IGSF6: variants seen among roughly 807,000 people sequenced by gnomAD.
IGSF6 encodes the protein immunoglobulin superfamily member 6, also known as down-regulated by activation (immunoglobulin superfamily).
Under a neutral mutation model 24.7 loss-of-function variants are expected in IGSF6, and 23 were observed. That is an observed-to-expected ratio of 0.93 (90% CI 0.67 to 1.32). The LOEUF (loss-of-function observed/expected upper bound fraction) is 1.32, where lower values mean the gene tolerates loss of function less well. IGSF6 is among the 40% of genes most tolerant of loss of function. The probability of loss-of-function intolerance (pLI) is 0.00; values close to 1 mark genes in which losing one functional copy is unlikely to be tolerated. For missense variants in IGSF6, 295 were observed against 293.6 expected, an observed-to-expected ratio of 1.00 and a Z score of -0.04; for synonymous variants, 110 against 113.7, an observed-to-expected ratio of 0.97 and a Z score of 0.21.
At chr16:21,641,624 T>C in intron 5 of IGSF6, 31 bp from the exon 6 acceptor site, 1 of 1,446,588 alleles carries the variant, frequency 6.9e-7, no homozygotes, top group Non-Finnish European at 9.6e-7. Flanking sequence ...AAAGCCATGT[T>C]TAAGGTTATG....
At position 21,641,464 on chromosome 16, in the gene IGSF6, T is replaced by C. The variant is rs937833081; in HGVS notation, c.*70A>G. ...TATTTTTTTTTAAGACCTGATGATA[T>C]ATGTTCATTAACACTGCCATAGCTC... On this transcript the variant is annotated 3_prime_UTR_variant, in exon 6 of 6. Transcript: ENST00000268389. 2.2e-5 allele frequency: 18 copies of C among 820,590 alleles called. No homozygotes were observed. The highest frequency in any genetic ancestry group is 3.2e-5 in the Non-Finnish European group (16 of 503,536). 50.8% of individuals were successfully genotyped at this position (820,590 alleles called of 1,614,324 possible).
intron 1 of IGSF6, among the ~76,000 whole-genome samples, chr16:21,650,877 A>G (rs1254345486): frequency 6.6e-6 from 1 of 152,210 alleles, no homozygotes; most frequent in African/African-American, 2.4e-5. Flanking sequence ...GAAAAGGTTG[A>G]AGATTTATTT....
chr16:21,641,697 C>T (rs1015154191), intron 5 of IGSF6, 104 bp from the exon 6 acceptor site: 4 of 604,366 alleles, frequency 6.6e-6, no homozygotes, highest in Non-Finnish European at 1.2e-5. Flanking sequence ...ATTCTGGGTC[C>T]TAAGTGTCCA....
intron 1 of IGSF6, among the ~76,000 whole-genome samples, chr16:21,651,686 C>T (rs939513799): frequency 3.9e-5 from 6 of 152,220 alleles, no homozygotes; most frequent in Admixed American, 6.5e-5. Context: ...CACATGGCTT[C>T]GACCCAATCT....
intron 2 of IGSF6, chr16:21,646,905 C>G: frequency 1.8e-6 from 1 of 542,684 alleles, no homozygotes; most frequent in South Asian, 1.9e-5. Context: ...ATTCGTCCAC[C>G]TCAGCCTCAA....
intron 1 of IGSF6, among the ~76,000 whole-genome samples, chr16:21,649,373 C>G (rs1966511377): frequency 6.6e-6 from 1 of 152,134 alleles, no homozygotes; most frequent in Admixed American, 6.6e-5. Flanking sequence ...TAAATGCAAA[C>G]CAGACAAGAG....
At position 21,646,144 on chromosome 16, in the gene IGSF6, C is replaced by A. The variant is rs1211977016; in HGVS notation, c.427+989G>T. ...CCTTCAGAATCATGTAAAGCTTTTT[C>A]TCTGAAATTCCCCCTTTTTTTTTCT... On this transcript the variant is annotated intron_variant, in intron 2 of 5. Transcript: ENST00000268389. Among the ~76,000 whole-genome samples, 8 of 115,990 alleles carry A rather than the reference C, an allele frequency of 6.9e-5. No individual in the cohort carries two copies. In the South Asian group the frequency reaches 2.0e-3, roughly 28 times the overall value. 76.1% of individuals were successfully genotyped at this position (115,990 alleles called of 152,430 possible).
intron 1 of IGSF6, among the ~76,000 whole-genome samples, chr16:21,649,658 TA>T (rs1567348524): frequency 1.3e-5 from 2 of 152,242 alleles, no homozygotes; most frequent in Admixed American, 6.5e-5. Context: ...ATAATGTTTT[TA>T]TTTTTATTTG....
chr16:21,641,489 C>T lies in IGSF6; in HGVS notation c.*45G>A, dbSNP rs368983016. On this transcript the variant is annotated 3_prime_UTR_variant, in exon 6 of 6. Transcript: ENST00000268389. ...TATGTTCATTAACACTGCCATAGCTCCTGGAGTTGGATTTTCAGTGACTTC... is the reference window on the plus strand; with the variant it reads ...TATGTTCATTAACACTGCCATAGCTTCTGGAGTTGGATTTTCAGTGACTTC... The T allele has an allele frequency of 2.3e-5, 27 of 1,166,884 alleles. No individual in the cohort carries two copies. The African/African-American group carries it at 3.3e-4, about 14-fold the overall frequency. The allele number at this position is 1,166,884 out of a possible 1,614,324, so 72.3% of individuals were successfully genotyped here.
Position 21,644,460 on chromosome 16 carries a change from T to C in IGSF6, c.428-64A>G, listed in dbSNP as rs1221237296. The C allele has an allele frequency of 4.3e-6, 5 of 1,155,472 alleles. No homozygotes were observed. In the Admixed American group the frequency reaches 9.1e-5, roughly 21 times the overall value. 71.6% of individuals were successfully genotyped at this position (1,155,472 alleles called of 1,614,324 possible). On this transcript the variant is annotated intron_variant, in intron 2 of 5. Coordinates refer to ENST00000268389, the MANE Select transcript of IGSF6 (RefSeq NM_005849.4). ...AAGCCTATTCTTTCAAATACATGTG[T>C]AAAGTATCCTTCACACTGCGTTTTA...
intron 2 of IGSF6, chr16:21,646,363 TTC>T (rs1567346274): frequency 6.6e-6 from 1 of 152,226 alleles, no homozygotes; most frequent in Non-Finnish European, 1.5e-5. Context: ...CCTGAGTAGC[TTC>T]TCTCCAAATC....
intron 2 of IGSF6, among the ~76,000 whole-genome samples, 193 bp from the exon 3 acceptor site, chr16:21,644,589 ATG>A (rs1966374077): frequency 6.6e-6 from 1 of 152,224 alleles, no homozygotes; most frequent in African/African-American, 2.4e-5. Flanking sequence ...AGTTCTTTAA[ATG>A]TGTTAAACCA....
chr16:21,644,895 T>C (rs1966385078), intron 2 of IGSF6, among the ~76,000 whole-genome samples: 1 of 152,184 alleles, frequency 6.6e-6, no homozygotes, highest in Non-Finnish European at 1.5e-5. Context: ...AGGCCATACA[T>C]TGAGGAGCGC....
chr16:21,644,521 G>A (rs879177624), intron 2 of IGSF6, 125 bp from the exon 3 acceptor site: 62 of 633,112 alleles, frequency 9.8e-5, no homozygotes, highest in South Asian at 8.6e-4. Flanking sequence ...TTGCCTATTC[G>A]TATAAAAACT....
intron 1 of IGSF6, among the ~76,000 whole-genome samples, chr16:21,651,140 G>A (rs1044058633): frequency 6.6e-6 from 1 of 152,036 alleles, no homozygotes; most frequent in Non-Finnish European, 1.5e-5. Flanking sequence ...GGAGAATGGC[G>A]TGAACCCGGG....
chr16:21,648,818 CT>C (rs1210254434), intron 1 of IGSF6, among the ~76,000 whole-genome samples: 1 of 152,170 alleles, frequency 6.6e-6, no homozygotes, highest in African/African-American at 2.4e-5. Flanking sequence ...TCCTTTGCTA[CT>C]GTAAATGAAA....
rs1966457606 is a variant in IGSF6 at position 21,647,367 on chromosome 16, A to G, written c.193T>C (p.Cys65Arg). The G allele has an allele frequency of 6.2e-7, 1 of 1,613,984 alleles. No individual in the cohort carries two copies. Among genetic ancestry groups the G allele is most frequent in the South Asian group, 1.1e-5 (1 of 91,080 alleles). ...TGAGCACCGTAGCGAAACCACAGGC[A>G]TGTTGGTTGCTCAGAAGGGCATCCG... ...ATGCPSEQPT[C>R]LWFRYGAHQP... The change falls in exon 2 of 6, where the codon TGC becomes CGC. Residue 65 changes from cysteine to arginine, a missense_variant. Cys to Arg is a radical substitution (Grantham distance 180). Coordinates refer to ENST00000268389, the MANE Select transcript of IGSF6 (RefSeq NM_005849.4).
rs755976806 is a variant in IGSF6, at chr16:21,643,157, A to G, written c.586-3T>C. On this transcript the variant is annotated splice_polypyrimidine_tract_variant and splice_region_variant and intron_variant, in intron 4 of 5. Transcript: ENST00000268389. ...AAAATACGCCGAGCACTCTTCTTCT[A>G]TAAAGACAAATGAGAAAAAAAAATT... 74 of 1,596,550 alleles carry G rather than the reference A, an allele frequency of 4.6e-5. No individual in the cohort carries two copies. Among genetic ancestry groups the G allele is most frequent in the Non-Finnish European group, 5.7e-5 (67 of 1,169,320 alleles).
In IGSF6 at chr16:21,641,691, T is replaced by C. The variant is rs1437553417; in HGVS notation, c.667-98A>G. 1.1e-5 allele frequency: 7 copies of C among 657,522 alleles called. No homozygotes were observed. The East Asian group carries it at 2.1e-4, about 19-fold the overall frequency. 40.7% of individuals were successfully genotyped at this position (657,522 alleles called of 1,614,324 possible). A position where few individuals can be genotyped will look rare whatever the true frequency, so the allele number is the denominator to read the frequency against. The stretch of plus-strand genomic sequence containing the variant: ...CAAACCACTGGGCCATCTTGGATTC[T>C]GGGTCCTAAGTGTCCATATGGTAAT... On this transcript the variant is annotated intron_variant, in intron 5 of 5. Transcript: ENST00000268389.
Sources: gnomAD v4.1 joint callset for allele counts (sites outside exome capture counted in the v4.1 genomes callset) on GRCh38, gnomAD v4.1.1 for gene constraint, MANE v1.5 for transcripts, NCBI Gene and HGNC (gene_info 2026-07-23, HGNC 2026-07-21) for gene names.